Variants in PEX14 observed in about 807,000 individuals in gnomAD.
PEX14 encodes the protein peroxisomal membrane protein PEX14.
A neutral mutation model predicts 49.5 loss-of-function variants in PEX14; 15 were observed. The observed-to-expected ratio is 0.30, with a 90% CI of 0.20 to 0.47. The LOEUF (loss-of-function observed/expected upper bound fraction) is 0.47, where lower values mean the gene tolerates loss of function less well. Ranked by LOEUF, PEX14 falls within the 20% of genes least tolerant of loss-of-function variation. The pLI, the probability that PEX14 is intolerant of heterozygous loss-of-function variation, is 1.00. For synonymous variants in PEX14, 210 were observed against 212.7 expected (o/e 0.99, Z 0.11); for missense variants, 398 against 494.8 (o/e 0.80, Z 1.86).
At chr1:10,579,620 T>C (rs1323664629) in intron 3 of PEX14, among the ~76,000 whole-genome samples, 2 of 152,150 alleles carry the variant, frequency 1.3e-5, no homozygotes, top group Non-Finnish European at 2.9e-5. Flanking sequence ...TGCCCATTTT[T>C]ATGGTTATTT....
At chr1:10,479,352 G>A (rs1365862007) in intron 1 of PEX14, among the ~76,000 whole-genome samples, 2 of 152,086 alleles carry the variant, frequency 1.3e-5, no homozygotes, top group African/African-American at 2.4e-5. Flanking sequence ...CCTCCAGCCT[G>A]GGTGAGAGAG....
At chr1:10,549,398 C>G (rs975651928) in intron 3 of PEX14, among the ~76,000 whole-genome samples, 6 of 152,260 alleles carry the variant, frequency 3.9e-5, no homozygotes, top group Admixed American at 3.9e-4. Flanking sequence ...CGAAAGAACA[C>G]AGGTCGAATT....
rs1553187452 is a variant in PEX14, at chr1:10,537,346, C to CG, written c.169+1049_169+1050insG. 9.3e-5 allele frequency among the ~76,000 whole-genome samples: 7 copies of CG among 75,382 alleles called. 1 individual carries two copies. Among genetic ancestry groups the CG allele is most frequent in the African/African-American group, 3.1e-4 (7 of 22,686 alleles). The allele number at this position is 75,382 out of a possible 152,430, so 49.5% of individuals were successfully genotyped here. On this transcript the variant is annotated intron_variant, in intron 3 of 8. Coordinates refer to ENST00000356607, the MANE Select transcript of PEX14 (RefSeq NM_004565.3). ...ACTGGCTGCATTGTGCCAGCACCCC[C>CG]CCCCCCCGCCATCATTAGGAGATTA...
At position 10,536,565 on chromosome 1, in the gene PEX14, G is replaced by A. The variant is rs10779738; in HGVS notation, c.169+268G>A. ...AAAGGCAGCATTCAGTAGCAGAGTC[G>A]GCCCATTGGATGAGACTGTGGAGGA... On this transcript the variant is annotated intron_variant, in intron 3 of 8. Coordinates refer to ENST00000356607, the MANE Select transcript of PEX14 (RefSeq NM_004565.3). 0.19 allele frequency: 88,232 copies of A among 470,502 alleles called. 9,166 individuals are homozygous for A. Among genetic ancestry groups the A allele is most frequent in the South Asian group, 0.33 (15,671 of 48,076 alleles). The allele number at this position is 470,502 out of a possible 1,614,324, so 29.1% of individuals were successfully genotyped here.
At chr1:10,484,149 C>T (rs114796526) in intron 1 of PEX14, among the ~76,000 whole-genome samples, 2,400 of 149,896 alleles carry the variant, frequency 0.016, 126 homozygotes, top group African/African-American at 0.056. Flanking sequence ...CTGCCCCAGC[C>T]TTCCAGTAGC....
intron 3 of PEX14, among the ~76,000 whole-genome samples, chr1:10,571,122 G>A (rs983121053): frequency 4.7e-5 from 7 of 148,662 alleles, no homozygotes; most frequent in Non-Finnish European, 8.9e-5. Flanking sequence ...CTCCCAAAGT[G>A]TTAGGATTAC....
intron 3 of PEX14, among the ~76,000 whole-genome samples, chr1:10,590,158 G>A (rs548235960): frequency 6.6e-6 from 1 of 152,268 alleles, no homozygotes; most frequent in Non-Finnish European, 1.5e-5. Context: ...AGAATCAAGT[G>A]TCTACTTCTG....
intron 2 of PEX14, among the ~76,000 whole-genome samples, chr1:10,531,395 C>T (rs1183386189): frequency 3.3e-5 from 5 of 152,224 alleles, no homozygotes; most frequent in Non-Finnish European, 7.3e-5. Flanking sequence ...TCATTCTTGG[C>T]AGTGCCTGGC....
intron 1 of PEX14, among the ~76,000 whole-genome samples, chr1:10,481,593 T>C (rs1641284324): frequency 6.6e-6 from 1 of 151,666 alleles, no homozygotes; most frequent in Non-Finnish European, 1.5e-5. Context: ...AGTCATGCAC[T>C]ATGATGCCCA....
At chr1:10,551,250 G>A (rs1407013479) in intron 3 of PEX14, among the ~76,000 whole-genome samples, 1 of 152,172 alleles carries the variant, frequency 6.6e-6, no homozygotes, top group African/African-American at 2.4e-5. Flanking sequence ...CGCCAAAAAT[G>A]TGTTTATAAT....
At chr1:10,479,272 G>A (rs926996184) in intron 1 of PEX14, among the ~76,000 whole-genome samples, 1 of 152,120 alleles carries the variant, frequency 6.6e-6, no homozygotes, top group African/African-American at 2.4e-5. Context: ...AGCTACTTTG[G>A]AGGCTGAGGT....
chr1:10,489,793 C>G (rs1444038486), intron 1 of PEX14, among the ~76,000 whole-genome samples: 5 of 152,188 alleles, frequency 3.3e-5, no homozygotes, highest in Non-Finnish European at 7.3e-5. Flanking sequence ...GGATCCCCGT[C>G]TCTCTCCAGG....
chr1:10,587,672 G>A (rs1640534605), intron 3 of PEX14, among the ~76,000 whole-genome samples: 1 of 151,848 alleles, frequency 6.6e-6, no homozygotes, highest in African/African-American at 2.4e-5. Flanking sequence ...CTTTATTATG[G>A]CTTTGTTTGT....
At chr1:10,488,078 G>C (rs1386903877) in intron 1 of PEX14, among the ~76,000 whole-genome samples, 2 of 152,062 alleles carry the variant, frequency 1.3e-5, no homozygotes, top group Non-Finnish European at 2.9e-5. Flanking sequence ...ACTGTGCCTG[G>C]CCTATTACTT....
intron 3 of PEX14, among the ~76,000 whole-genome samples, chr1:10,594,938 C>T (rs1640794554): frequency 6.6e-6 from 1 of 152,088 alleles, no homozygotes; most frequent in South Asian, 2.1e-4. Context: ...TAAAAATAGG[C>T]AAGTGTGGCA....
intron 4 of PEX14, among the ~76,000 whole-genome samples, chr1:10,615,202 A>G (rs1005469196): frequency 6.6e-6 from 1 of 152,262 alleles, no homozygotes; most frequent in South Asian, 2.1e-4. Flanking sequence ...ATAAATTTGT[A>G]TAAAAACCTC....
intron 3 of PEX14, among the ~76,000 whole-genome samples, chr1:10,552,435 C>T (rs1639362661): frequency 1.3e-5 from 2 of 151,974 alleles, no homozygotes; most frequent in Non-Finnish European, 2.9e-5. Flanking sequence ...GGGCAAGACT[C>T]CGTCTCAAAA....
At chr1:10,583,139 C>T (rs1040491196) in intron 3 of PEX14, among the ~76,000 whole-genome samples, 59 of 152,106 alleles carry the variant, frequency 3.9e-4, no homozygotes, top group African/African-American at 1.1e-3. Context: ...GATTTTTCTC[C>T]GTACCCCTCC....
At chr1:10,577,839 G>A (rs917950341) in intron 3 of PEX14, among the ~76,000 whole-genome samples, 1 of 150,890 alleles carries the variant, frequency 6.6e-6, no homozygotes, top group African/African-American at 2.4e-5. Flanking sequence ...CTGACCTGGT[G>A]ATCTGCTATA....
Sources: gnomAD v4.1 joint callset for allele counts (sites outside exome capture counted in the v4.1 genomes callset) on GRCh38, gnomAD v4.1.1 for gene constraint, MANE v1.5 for transcripts, NCBI Gene and HGNC (gene_info 2026-07-23, HGNC 2026-07-21) for gene names.